ADAM22: variants seen among roughly 807,000 people sequenced by gnomAD.
ADAM22 encodes ADAM metallopeptidase domain 22.
ADAM22 carries 65 observed loss-of-function variants against 144.6 expected under a neutral mutation model. The ratio of observed to expected loss-of-function variants is 0.45; its 90% CI spans 0.37 to 0.55. The LOEUF (loss-of-function observed/expected upper bound fraction) is 0.55. ADAM22 is among the 20% of genes least tolerant of loss of function. ADAM22 has a pLI of 0.00. For synonymous variants in ADAM22, 391 were observed against 412.6 expected (o/e 0.95, Z 0.63); for missense variants, 974 against 1,184.9 (o/e 0.82, Z 2.61).
At chr7:88,019,160 T>C (rs746345622) in intron 3 of ADAM22, among the ~76,000 whole-genome samples, 7 of 152,116 alleles carry the variant, frequency 4.6e-5, no homozygotes, top group African/African-American at 1.4e-4. Flanking sequence ...AGAAAGAATA[T>C]CCATTAGCCC....
intron 4 of ADAM22, among the ~76,000 whole-genome samples, chr7:88,107,625 G>A (rs1370012155): frequency 6.6e-6 from 1 of 151,644 alleles, no homozygotes; most frequent in Admixed American, 6.6e-5. Flanking sequence ...CACTCTTTTT[G>A]TCCAGGCTGG....
At chr7:87,937,371 T>C (rs544409595) in intron 2 of ADAM22, among the ~76,000 whole-genome samples, 6 of 152,254 alleles carry the variant, frequency 3.9e-5, no homozygotes, top group South Asian at 2.1e-4. Flanking sequence ...TCTTGTAGAG[T>C]TGCTCAGAGT....
intron 3 of ADAM22, among the ~76,000 whole-genome samples, chr7:88,016,329 C>T (rs541450512): frequency 5.3e-5 from 8 of 152,178 alleles, no homozygotes; most frequent in African/African-American, 1.4e-4. Flanking sequence ...TTACCAATGA[C>T]GTTAGTACAA....
At chr7:88,110,963 G>A (rs191209636) in intron 5 of ADAM22, among the ~76,000 whole-genome samples, 1 of 144,740 alleles carries the variant, frequency 6.9e-6, no homozygotes, top group African/African-American at 2.6e-5. Flanking sequence ...GGTTGGTCTC[G>A]AACTCCTGAC....
intron 5 of ADAM22, among the ~76,000 whole-genome samples, chr7:88,108,851 C>T (rs1393723067): frequency 6.6e-6 from 1 of 152,026 alleles, no homozygotes; most frequent in Non-Finnish European, 1.5e-5. Context: ...GACTCCATCT[C>T]AAAAAAATTA....
intron 4 of ADAM22, among the ~76,000 whole-genome samples, chr7:88,102,046 A>G (rs17150232): frequency 0.072 from 10,971 of 152,236 alleles, 513 homozygotes; most frequent in Admixed American, 0.11. Flanking sequence ...CTCTCAGTCT[A>G]TGGTTTCTCA....
Position 87,986,203 on chromosome 7 carries a change from A to G in ADAM22, c.323+7791A>G, listed in dbSNP as rs189060854. Among the ~76,000 whole-genome samples, 480 of 152,352 alleles carry G rather than the reference A, an allele frequency of 3.2e-3. 1 individual carries two copies. Among genetic ancestry groups the G allele is most frequent in the Admixed American group, 9.0e-3 (138 of 15,308 alleles). On this transcript the variant is annotated intron_variant, in intron 3 of 31. Coordinates refer to ENST00000413139, the MANE Select transcript of ADAM22 (RefSeq NM_001324418.2). ...ACATTTCTTGTTCTTTAGCTGAAGC[A>G]TAATTCACTTTTTCTTGTTTGTTCT...
chr7:88,163,973 GA>G (rs1374426997), intron 23 of ADAM22, among the ~76,000 whole-genome samples: 3 of 152,012 alleles, frequency 2.0e-5, no homozygotes, highest in African/African-American at 7.2e-5. Flanking sequence ...CCCTGTTTTG[GA>G]ATTGTAAGCC....
chr7:88,131,475 C>T lies in ADAM22; in HGVS notation c.992+40C>T, dbSNP rs370567747. On this transcript the variant is annotated intron_variant, in intron 11 of 31. Coordinates refer to ENST00000413139, the MANE Select transcript of ADAM22 (RefSeq NM_001324418.2). ...TAATGATGTATTACTTTTTTTGATT[C>T]CATGTTAAATGCTTTATTGTGACTG... is the stretch of plus-strand genomic sequence containing the variant. 6.3e-6 allele frequency: 10 copies of T among 1,591,040 alleles called. No homozygotes were observed. In the African/African-American group the frequency reaches 1.1e-4, roughly 17 times the overall value.
chr7:88,163,404 T>C (rs1842224518), intron 23 of ADAM22, among the ~76,000 whole-genome samples: 1 of 152,120 alleles, frequency 6.6e-6, no homozygotes, highest in African/African-American at 2.4e-5. Flanking sequence ...AATTCTCCCA[T>C]CCTTCTTTTC....
At chr7:87,957,697 C>G (rs1381152169) in intron 2 of ADAM22, among the ~76,000 whole-genome samples, 1 of 152,110 alleles carries the variant, frequency 6.6e-6, no homozygotes, top group African/African-American at 2.4e-5. Context: ...TCTCCTGCCT[C>G]TCAGCCTCCC....
chr7:88,043,585 G>T (rs574473974), intron 3 of ADAM22, among the ~76,000 whole-genome samples: 1 of 151,900 alleles, frequency 6.6e-6, no homozygotes, highest in South Asian at 2.1e-4. Flanking sequence ...GCATGCGCAT[G>T]TAGTCCCAGC....
At chr7:88,046,700 G>T (rs1397643732) in intron 3 of ADAM22, among the ~76,000 whole-genome samples, 1 of 152,094 alleles carries the variant, frequency 6.6e-6, no homozygotes, top group Non-Finnish European at 1.5e-5. Flanking sequence ...ATAGCTTCAG[G>T]TCTGTGTTTA....
intron 3 of ADAM22, among the ~76,000 whole-genome samples, chr7:87,996,747 C>T (rs904792335): frequency 9.2e-5 from 14 of 152,236 alleles, no homozygotes; most frequent in Non-Finnish European, 1.6e-4. Flanking sequence ...ACATGAGAGG[C>T]AGTGTTACCA....
intron 4 of ADAM22, among the ~76,000 whole-genome samples, chr7:88,089,536 C>G (rs969978639): frequency 6.6e-6 from 1 of 152,114 alleles, no homozygotes; most frequent in Non-Finnish European, 1.5e-5. Context: ...AACTCAGCAA[C>G]AGCATTTCTC....
At chr7:88,108,732 A>G (rs1231010849) in intron 5 of ADAM22, among the ~76,000 whole-genome samples, 1 of 112,814 alleles carries the variant, frequency 8.9e-6, no homozygotes, top group East Asian at 6.1e-4. Flanking sequence ...CTGATTCAAA[A>G]AAAATAAAGA....
chr7:88,024,203 C>T (rs1386232842), intron 3 of ADAM22, among the ~76,000 whole-genome samples: 1 of 152,046 alleles, frequency 6.6e-6, no homozygotes, highest in Non-Finnish European at 1.5e-5. Context: ...GACTATATAC[C>T]TAACAATGGG....
intron 25 of ADAM22, among the ~76,000 whole-genome samples, chr7:88,170,058 A>G (rs1843933437): frequency 6.6e-6 from 1 of 151,902 alleles, no homozygotes; most frequent in Non-Finnish European, 1.5e-5. Flanking sequence ...TCTGCAGGTG[A>G]CTTCTTATTT....
chr7:88,077,714 AG>A (rs1237013091), intron 4 of ADAM22, among the ~76,000 whole-genome samples: 6 of 152,230 alleles, frequency 3.9e-5, no homozygotes, highest in African/African-American at 2.4e-5. Flanking sequence ...CCTGGCTCAG[AG>A]GGTCCTACAC....
Sources: allele counts gnomAD v4.1 joint callset (sites outside exome capture counted in the v4.1 genomes callset), GRCh38; gene constraint gnomAD v4.1.1; transcripts MANE v1.5; gene names NCBI Gene and HGNC (gene_info 2026-07-23, HGNC 2026-07-21).